Variants in MGMT observed in about 807,000 individuals in gnomAD.
MGMT encodes O-6-methylguanine-DNA methyltransferase, also known as methylated-DNA--protein-cysteine methyltransferase.
Under a neutral mutation model 15.9 loss-of-function variants are expected in MGMT, and 14 were observed. The observed-to-expected ratio is 0.88, with a 90% CI of 0.58 to 1.37. The LOEUF (loss-of-function observed/expected upper bound fraction) is 1.37, where lower values mean the gene tolerates loss of function less well. MGMT is among the 40% of genes most tolerant of loss of function. The pLI, the probability that MGMT is intolerant of heterozygous loss-of-function variation, is 0.00. For synonymous variants in MGMT, 130 were observed against 118.2 expected (o/e 1.10, Z -0.65); for missense variants, 282 against 268.1 (o/e 1.05, Z -0.36).
At chr10:129,614,085 C>T (rs961621640) in intron 2 of MGMT, among the ~76,000 whole-genome samples, 2 of 152,176 alleles carry the variant, frequency 1.3e-5, no homozygotes, top group Admixed American at 1.3e-4. Flanking sequence ...AAACTCCATC[C>T]CCATTGAGCA....
chr10:129,679,461 T>G (rs2133118887), intron 2 of MGMT, among the ~76,000 whole-genome samples: 1 of 152,320 alleles, frequency 6.6e-6, no homozygotes, highest in African/African-American at 2.4e-5. Flanking sequence ...GCAGCCCATG[T>G]GACTCCAGGG....
At chr10:129,474,646 C>T (rs904971753) in intron 1 of MGMT, among the ~76,000 whole-genome samples, 2 of 152,188 alleles carry the variant, frequency 1.3e-5, no homozygotes, top group African/African-American at 4.8e-5. Context: ...ACCATTGCTC[C>T]CACCCCAGCC....
intron 3 of MGMT, among the ~76,000 whole-genome samples, chr10:129,711,878 T>G (rs1367450588): frequency 6.6e-6 from 1 of 152,232 alleles, no homozygotes; most frequent in Admixed American, 6.5e-5. Context: ...TTTTACTTTT[T>G]TCTTTTATAA....
intron 1 of MGMT, among the ~76,000 whole-genome samples, chr10:129,488,528 A>G (rs1845436447): frequency 6.6e-6 from 1 of 152,084 alleles, no homozygotes; most frequent in Non-Finnish European, 1.5e-5. Flanking sequence ...CATTCTCTTT[A>G]TAGTGCCTTT....
At chr10:129,495,943 A>C (rs1470237855) in intron 1 of MGMT, among the ~76,000 whole-genome samples, 3 of 152,222 alleles carry the variant, frequency 2.0e-5, no homozygotes, top group Non-Finnish European at 4.4e-5. Context: ...GATGGATGGC[A>C]TGCAGCTGAC....
At chr10:129,480,167 G>A (rs76536281) in intron 1 of MGMT, among the ~76,000 whole-genome samples, 11 of 152,232 alleles carry the variant, frequency 7.2e-5, no homozygotes, top group East Asian at 5.8e-4. Context: ...GGGTTGAAGC[G>A]CATCAAGAGA....
rs1028300206 is a variant in MGMT, at chr10:129,686,388, T to G, written c.126-21507T>G. ...TTATTTATGTATTTATTTTATTATTTTTTTGAGACAGAGTCTCGCTTTGTT... is the reference window on the plus strand; with the variant it reads ...TTATTTATGTATTTATTTTATTATTGTTTTGAGACAGAGTCTCGCTTTGTT... On this transcript the variant is annotated intron_variant, in intron 2 of 4. Coordinates refer to ENST00000651593, the MANE Select transcript of MGMT (RefSeq NM_002412.5). Among the ~76,000 whole-genome samples, 24 of 152,164 alleles carry G rather than the reference T, an allele frequency of 1.6e-4. 1 individual carries two copies. Among genetic ancestry groups the G allele is most frequent in the African/African-American group, 5.8e-4 (24 of 41,444 alleles).
intron 2 of MGMT, among the ~76,000 whole-genome samples, chr10:129,575,142 A>G (rs1224795011): frequency 6.6e-6 from 1 of 152,210 alleles, no homozygotes; most frequent in Non-Finnish European, 1.5e-5. Flanking sequence ...GAAAGTTAAC[A>G]AGGATACCCA....
chr10:129,646,743 TATATATA>T lies in MGMT; in HGVS notation c.126-61151_126-61145del, dbSNP rs1173364732. On this transcript the variant is annotated intron_variant, in intron 2 of 4. Transcript: ENST00000651593. ...AAATATATATATATATATATATATA[TATATATA>T]TATATTTTCAGGGAATGGTAGAGAA... Among the ~76,000 whole-genome samples the T allele has an allele frequency of 9.6e-4, 101 of 105,666 alleles. 2 individuals are homozygous for T. The highest frequency in any genetic ancestry group is 2.8e-3 in the African/African-American group (74 of 26,756). 69.3% of individuals were successfully genotyped at this position (105,666 alleles called of 152,430 possible). A position where few individuals can be genotyped will look rare whatever the true frequency, so the allele number is the denominator to read the frequency against.
chr10:129,552,269 C>T (rs1343569355), intron 2 of MGMT, among the ~76,000 whole-genome samples: 2 of 152,166 alleles, frequency 1.3e-5, no homozygotes, highest in East Asian at 3.9e-4. Context: ...GTGACTGTGG[C>T]GCTCCAGCTG....
At chr10:129,537,588 T>G (rs1055693967) in intron 2 of MGMT, among the ~76,000 whole-genome samples, 3 of 152,034 alleles carry the variant, frequency 2.0e-5, no homozygotes, top group Non-Finnish European at 4.4e-5. Context: ...GGGAAAAAGG[T>G]ACAAAGTGAA....
chr10:129,683,896 CA>C (rs1847879161), intron 2 of MGMT, among the ~76,000 whole-genome samples: 1 of 152,190 alleles, frequency 6.6e-6, no homozygotes, highest in South Asian at 2.1e-4. Flanking sequence ...GTGCTCAAAA[CA>C]GTTGCCTGAT....
intron 2 of MGMT, among the ~76,000 whole-genome samples, chr10:129,579,391 G>A (rs1233978086): frequency 6.6e-6 from 1 of 152,204 alleles, no homozygotes; most frequent in African/African-American, 2.4e-5. Flanking sequence ...TGGCATGGAG[G>A]GTGGGCAGAG....
intron 2 of MGMT, among the ~76,000 whole-genome samples, chr10:129,639,185 T>C (rs1469803152): frequency 6.6e-6 from 1 of 152,156 alleles, no homozygotes; most frequent in Non-Finnish European, 1.5e-5. Flanking sequence ...ATGAATTGTT[T>C]GTTTAAGAGA....
At chr10:129,554,764 G>A (rs1846194392) in intron 2 of MGMT, among the ~76,000 whole-genome samples, 3 of 152,140 alleles carry the variant, frequency 2.0e-5, no homozygotes, top group Admixed American at 2.0e-4. Flanking sequence ...CTCCGTTCTT[G>A]TACTTAGACC....
intron 2 of MGMT, among the ~76,000 whole-genome samples, chr10:129,703,681 G>C (rs1260671738): frequency 7.4e-6 from 1 of 134,806 alleles, no homozygotes; most frequent in Non-Finnish European, 1.5e-5. Context: ...CGCCGGGGGG[G>C]CACCTTTGCT....
chr10:129,528,276 G>T (rs565248062), intron 1 of MGMT, among the ~76,000 whole-genome samples: 1 of 152,272 alleles, frequency 6.6e-6, no homozygotes, highest in Admixed American at 6.5e-5. Context: ...CAACGTTCCT[G>T]TTCTCACACA....
intron 2 of MGMT, among the ~76,000 whole-genome samples, chr10:129,606,067 T>C (rs976838237): frequency 1.3e-5 from 2 of 152,138 alleles, no homozygotes; most frequent in Admixed American, 6.5e-5. Context: ...ATTTCCTCTC[T>C]CTCGTAAAAC....
chr10:129,653,543 C>T (rs188717465), intron 2 of MGMT, among the ~76,000 whole-genome samples: 140 of 152,324 alleles, frequency 9.2e-4, no homozygotes, highest in Middle Eastern at 3.4e-3. Context: ...GGAGGGGTAA[C>T]GCCTGCAAAC....
Sources: allele counts gnomAD v4.1 joint callset (sites outside exome capture counted in the v4.1 genomes callset), GRCh38; gene constraint gnomAD v4.1.1; transcripts MANE v1.5; gene names NCBI Gene and HGNC (gene_info 2026-07-23, HGNC 2026-07-21).